MBD5: variants seen among roughly 807,000 people sequenced by gnomAD.
The protein encoded by MBD5 is methyl-CpG-binding domain protein 5.
Under a neutral mutation model 117.3 loss-of-function variants are expected in MBD5, and 13 were observed. The observed-to-expected ratio is 0.11, with a 90% CI of 0.07 to 0.18. The LOEUF (loss-of-function observed/expected upper bound fraction) is 0.18, where lower values mean the gene tolerates loss of function less well. MBD5 is among the 10% of genes least tolerant of loss of function. The pLI, the probability that MBD5 is intolerant of heterozygous loss-of-function variation, is 1.00. For missense variants in MBD5, 1,879 were observed against 2,093.8 expected, an observed-to-expected ratio of 0.90 and a Z score of 2.00; for synonymous variants, 727 against 766.4, an observed-to-expected ratio of 0.95 and a Z score of 0.85.
intron 4 of MBD5, among the ~76,000 whole-genome samples, chr2:148,411,789 T>C (rs1426231273): frequency 1.3e-5 from 2 of 152,110 alleles, no homozygotes; most frequent in Non-Finnish European, 2.9e-5. Flanking sequence ...TTGCATTCTG[T>C]AGGTTGTCTG....
chr2:148,476,088 C>T (rs935635696), intron 8 of MBD5, among the ~76,000 whole-genome samples: 3 of 152,108 alleles, frequency 2.0e-5, no homozygotes, highest in African/African-American at 4.8e-5. Flanking sequence ...CAGGGAAGTC[C>T]GTATTATCTA....
intron 4 of MBD5, among the ~76,000 whole-genome samples, chr2:148,398,711 A>G (rs541185787): frequency 6.6e-6 from 1 of 152,142 alleles, no homozygotes; most frequent in Admixed American, 6.5e-5. Flanking sequence ...GGTGTTTTAG[A>G]CAGGAAGTCC....
At chr2:148,308,572 A>C (rs1701954434) in intron 3 of MBD5, among the ~76,000 whole-genome samples, 1 of 131,534 alleles carries the variant, frequency 7.6e-6, no homozygotes, top group Non-Finnish European at 1.5e-5. Flanking sequence ...TCAGGTGAAT[A>C]GGTTGCAAAC....
intron 1 of MBD5, among the ~76,000 whole-genome samples, chr2:148,032,441 TA>T (rs1300868007): frequency 6.6e-6 from 1 of 152,036 alleles, no homozygotes; most frequent in Non-Finnish European, 1.5e-5. Flanking sequence ...AGATCTCAAG[TA>T]AGTTAATTTG....
At chr2:148,188,677 T>A (rs1698733518) in intron 2 of MBD5, among the ~76,000 whole-genome samples, 1 of 58,572 alleles carries the variant, frequency 1.7e-5, no homozygotes, top group Non-Finnish European at 3.6e-5. Flanking sequence ...TGTGAGACCC[T>A]GTCTCAAAAA....
At chr2:148,328,900 A>C (rs921128764) in intron 3 of MBD5, among the ~76,000 whole-genome samples, 25 of 152,156 alleles carry the variant, frequency 1.6e-4, no homozygotes, top group African/African-American at 5.8e-4. Flanking sequence ...TCTTTAATTA[A>C]AGTTATCTTT....
chr2:148,505,413 G>T (rs1682001633), intron 12 of MBD5, among the ~76,000 whole-genome samples: 1 of 152,178 alleles, frequency 6.6e-6, no homozygotes, highest in African/African-American at 2.4e-5. Flanking sequence ...ACATGCAATA[G>T]AATGAAGAAG....
chr2:148,180,146 AT>A (rs1244823803), intron 2 of MBD5, among the ~76,000 whole-genome samples: 1 of 151,366 alleles, frequency 6.6e-6, no homozygotes, highest in African/African-American at 2.4e-5. Context: ...AATGAATATT[AT>A]TGTCAGAAAT....
intron 3 of MBD5, among the ~76,000 whole-genome samples, chr2:148,326,047 A>G (rs1206602955): frequency 1.2e-4 from 18 of 152,010 alleles, no homozygotes; most frequent in Admixed American, 2.6e-4. Context: ...CTTTGTTCTC[A>G]TTGGTTTCAA....
chr2:148,307,412 C>G (rs1010507784), intron 3 of MBD5, among the ~76,000 whole-genome samples: 9 of 151,870 alleles, frequency 5.9e-5, no homozygotes, highest in African/African-American at 2.2e-4. Context: ...ACTTTTACAA[C>G]CATTTTACAT....
intron 2 of MBD5, among the ~76,000 whole-genome samples, chr2:148,188,188 A>G (rs548247011): frequency 5.9e-5 from 9 of 152,322 alleles, no homozygotes; most frequent in African/African-American, 2.2e-4. Context: ...CCAAAATTTG[A>G]AAAAATTCAA....
At chr2:148,225,066 C>T (rs1345306981) in intron 2 of MBD5, among the ~76,000 whole-genome samples, 2 of 152,086 alleles carry the variant, frequency 1.3e-5, no homozygotes, top group African/African-American at 2.4e-5. Flanking sequence ...CACTTACATT[C>T]AGTTTCTTTA....
At chr2:148,060,525 T>TGAGG (rs1695008380) in intron 1 of MBD5, among the ~76,000 whole-genome samples, 1 of 152,182 alleles carries the variant, frequency 6.6e-6, no homozygotes, top group South Asian at 2.1e-4. Context: ...AGGACTTAAC[T>TGAGG]GAGGCATGGA....
chr2:148,243,588 T>A (rs1394999717), intron 3 of MBD5: 2 of 152,088 alleles, frequency 1.3e-5, no homozygotes, highest in Non-Finnish European at 2.9e-5. Context: ...GTTTTGGCAT[T>A]TGTGTGAGGG....
At chr2:148,331,310 G>A (rs1432647144) in intron 3 of MBD5, among the ~76,000 whole-genome samples, 1 of 151,808 alleles carries the variant, frequency 6.6e-6, no homozygotes, top group African/African-American at 2.4e-5. Flanking sequence ...ACTTACAACA[G>A]CAGTCCCCTG....
intron 2 of MBD5, among the ~76,000 whole-genome samples, chr2:148,226,977 A>G (rs1333144250): frequency 1.3e-5 from 2 of 152,046 alleles, no homozygotes; most frequent in African/African-American, 4.8e-5. Flanking sequence ...TTTTTCTTGT[A>G]AATTTGTTTG....
Position 148,067,405 on chromosome 2 carries a change from CTT to C in MBD5, c.-925+45723_-925+45724del, listed in dbSNP as rs1695233569. On this transcript the variant is annotated intron_variant, in intron 1 of 13. Coordinates refer to ENST00000642680, the MANE Select transcript of MBD5 (RefSeq NM_001378120.1). ...TAGACATAGAGCAAGCTAAACAAAA[CTT>C]TAAGATTTTAGTAAACATTTTATTT... Among the ~76,000 whole-genome samples, 3 of 152,098 alleles carry C rather than the reference CTT, an allele frequency of 2.0e-5. No individual in the cohort carries two copies. The South Asian group carries it at 6.2e-4, about 32-fold the overall frequency.
At chr2:148,345,500 TACATATACATATGTATATAC>T (rs1703091103) in intron 4 of MBD5, among the ~76,000 whole-genome samples, 1 of 46,244 alleles carries the variant, frequency 2.2e-5, no homozygotes, top group African/African-American at 8.9e-5. Context: ...TATATACACA[TACATATACATATGTATATAC>T]ACATACATAT....
intron 12 of MBD5, among the ~76,000 whole-genome samples, chr2:148,504,814 G>C (rs528573680): frequency 1.3e-5 from 2 of 152,210 alleles, no homozygotes; most frequent in South Asian, 4.1e-4. Context: ...TGGATTTGGG[G>C]GACTGTAAAG....
Sources: allele counts gnomAD v4.1 joint callset (sites outside exome capture counted in the v4.1 genomes callset), GRCh38; gene constraint gnomAD v4.1.1; transcripts MANE v1.5; gene names NCBI Gene and HGNC (gene_info 2026-07-23, HGNC 2026-07-21).